The following NR3C1 variants were observed in gnomAD, a reference collection of about 807,000 sequenced individuals.
NR3C1 encodes glucocorticoid receptor.
Under a neutral mutation model 74.0 loss-of-function variants are expected in NR3C1, and 14 were observed. That is an observed-to-expected ratio of 0.19 (90% CI 0.12 to 0.30). The LOEUF (loss-of-function observed/expected upper bound fraction) is 0.30. NR3C1 is among the 10% of genes least tolerant of loss of function. The pLI, the probability that NR3C1 is intolerant of heterozygous loss-of-function variation, is 1.00. For synonymous variants in NR3C1, 308 were observed against 332.5 expected (o/e 0.93, Z 0.80); for missense variants, 695 against 909.8 (o/e 0.76, Z 3.04).
intron 1 of NR3C1, among the ~76,000 whole-genome samples, chr5:143,413,079 G>T (rs1295504834): frequency 6.6e-6 from 1 of 152,182 alleles, no homozygotes; most frequent in Non-Finnish European, 1.5e-5. Context: ...GTATAAGGCT[G>T]CAGGGATATC....
intron 1 of NR3C1, among the ~76,000 whole-genome samples, chr5:143,425,838 T>G (rs1225575188): frequency 6.6e-6 from 1 of 152,138 alleles, no homozygotes; most frequent in Non-Finnish European, 1.5e-5. Context: ...AAGGTAAACA[T>G]AGAGTTACTA....
intron 2 of NR3C1, among the ~76,000 whole-genome samples, chr5:143,351,094 A>G (rs1191592438): frequency 3.9e-5 from 6 of 152,200 alleles, no homozygotes; most frequent in Non-Finnish European, 8.8e-5. Context: ...TGCTTTTACT[A>G]CTTCTTGCCA....
chr5:143,333,964 G>C (rs763166631), intron 2 of NR3C1, among the ~76,000 whole-genome samples: 1 of 152,130 alleles, frequency 6.6e-6, no homozygotes, highest in Non-Finnish European at 1.5e-5. Context: ...GACAAACTGC[G>C]GTAAATTTTT....
intron 7 of NR3C1, among the ~76,000 whole-genome samples, chr5:143,284,165 C>T (rs766807826): frequency 9.9e-5 from 15 of 152,126 alleles, no homozygotes; most frequent in Admixed American, 2.6e-4. Context: ...CTGCCACTTC[C>T]GCCTCCCAGG....
chr5:143,404,283 C>T, upstream of NR3C1: 1 of 985,574 alleles, frequency 1.0e-6, no homozygotes, highest in Non-Finnish European at 1.2e-6. Flanking sequence ...GGTGCCGCAG[C>T]GTCTCGGCCG....
At chr5:143,295,653 TTTTTG>T in intron 6 of NR3C1, 63 bp from the exon 7 acceptor site, 2 of 1,445,800 alleles carry the variant, frequency 1.4e-6, no homozygotes, top group Non-Finnish European at 1.9e-6. Flanking sequence ...AAAAAGCACA[TTTTTG>T]TTTTGTTTTG....
At chr5:143,313,180 T>C (rs1821339954) in intron 3 of NR3C1, among the ~76,000 whole-genome samples, 1 of 152,328 alleles carries the variant, frequency 6.6e-6, no homozygotes, top group African/African-American at 2.4e-5. Flanking sequence ...CTAAATTATA[T>C]GACAATTTTT....
In NR3C1 at chr5:143,356,688, C is replaced by CAA. The variant is rs34911720; in HGVS notation, c.1185-42522_1185-42521dup. ...TCTGTTTCTCACAATTTGTATTTCTCAAAAAAAAAAACACACGCAAATGTT... is the reference window on the plus strand; with the variant it reads ...TCTGTTTCTCACAATTTGTATTTCTCAAAAAAAAAAAAACACACGCAAATGTT... On this transcript the variant is annotated intron_variant, in intron 2 of 8. Coordinates refer to ENST00000394464, the MANE Select transcript of NR3C1 (RefSeq NM_000176.3). 5.9e-3 allele frequency among the ~76,000 whole-genome samples: 860 copies of CAA among 146,766 alleles called. 1 individual carries two copies. The highest frequency in any genetic ancestry group is 0.012 in the Admixed American group (179 of 14,834).
intron 6 of NR3C1, among the ~76,000 whole-genome samples, chr5:143,296,276 A>AT (rs199808389): frequency 0.17 from 24,228 of 146,362 alleles, 2,298 homozygotes; most frequent in Middle Eastern, 0.26. Flanking sequence ...ATGCTTCAAG[A>AT]TTTTTTTTTT....
chr5:143,408,398 T>C (rs886656917), upstream of NR3C1, among the ~76,000 whole-genome samples: 3 of 152,240 alleles, frequency 2.0e-5, no homozygotes, highest in African/African-American at 7.2e-5. Flanking sequence ...TTGCTCATCA[T>C]TAGCAATTAT....
chr5:143,377,285 A>C (rs1432253973), intron 2 of NR3C1, among the ~76,000 whole-genome samples: 2 of 152,146 alleles, frequency 1.3e-5, no homozygotes, highest in East Asian at 1.9e-4. Context: ...CCCCCACACA[A>C]AAAAAGGCCA....
In NR3C1 at chr5:143,393,657, T is replaced by C. The variant is rs977404795; in HGVS notation, c.1184+5999A>G. Among the ~76,000 whole-genome samples, 6 of 152,150 alleles carry C rather than the reference T, an allele frequency of 3.9e-5. 1 individual carries two copies. The South Asian group carries it at 6.2e-4, about 16-fold the overall frequency. ...AACGATAACATAAAGTAAAACAGTG[T>C]CCATAACAAACTGGTAGAGCTTTAG... On this transcript the variant is annotated intron_variant, in intron 2 of 8. Coordinates refer to ENST00000394464, the MANE Select transcript of NR3C1 (RefSeq NM_000176.3).
Position 143,300,527 on chromosome 5 carries a change from G to A in NR3C1, c.1705C>T (p.Arg569Trp). ...CATTTCACTGCTGCAATCACTTGCC[G>A]CCCTCCTAACATGTTGAGCGTAGTC... is the stretch of plus-strand genomic sequence containing the variant. ...IMTTLNMLGG[R>W]QVIAAVKWAK... is the part of the protein sequence containing the mutation. Residue 569 changes from arginine to tryptophan, a missense_variant, in exon 5 of 9, where the codon CGG becomes TGG. This residue lies in a region of NR3C1 where 133 missense variants were observed against 287.9 expected (regional missense o/e 0.46). Transcript: ENST00000394464. This position sits in a 1 kb window ranked among gnomAD's most constrained non-coding sequence, Gnocchi z 5.2. 6.2e-7 allele frequency: 1 copy of A among 1,614,134 alleles called. No homozygotes were observed. Among genetic ancestry groups the A allele is most frequent in the African/African-American group, 1.3e-5 (1 of 75,032 alleles).
upstream of NR3C1, among the ~76,000 whole-genome samples, chr5:143,405,765 C>T (rs951456429): frequency 6.6e-6 from 1 of 152,174 alleles, no homozygotes; most frequent in Non-Finnish European, 1.5e-5. Context: ...GTTAACAAAA[C>T]CCCCTTCTGG....
At chr5:143,310,246 A>G in intron 3 of NR3C1, 33 bp from the exon 4 acceptor site, 4 of 1,428,490 alleles carry the variant, frequency 2.8e-6, no homozygotes, top group Non-Finnish European at 3.9e-6. Flanking sequence ...TTAAAGTTTC[A>G]CAGGTCTTCA....
At position 143,402,573 on chromosome 5, in the gene NR3C1, G is replaced by A. The variant is rs536175130; in HGVS notation, c.-14+638C>T. 42 of 983,774 alleles carry A rather than the reference G, an allele frequency of 4.3e-5. No individual in the cohort carries two copies. The African/African-American group carries it at 6.5e-4, about 15-fold the overall frequency. The allele number at this position is 983,774 out of a possible 1,614,324, so 60.9% of individuals were successfully genotyped here. A position where few individuals can be genotyped will look rare whatever the true frequency, so the allele number is the denominator to read the frequency against. ...GCGGGGGTGGAGAAGAGAAAAAAGT[G>A]CGAGGTTAAAAGAGAAGTACGTCCA... is the stretch of plus-strand genomic sequence containing the variant. On this transcript the variant is annotated intron_variant, in intron 1 of 8. Coordinates refer to ENST00000394464, the MANE Select transcript of NR3C1 (RefSeq NM_000176.3).
chr5:143,359,811 G>A (rs538077969), intron 2 of NR3C1, among the ~76,000 whole-genome samples: 2 of 152,184 alleles, frequency 1.3e-5, no homozygotes, highest in East Asian at 1.9e-4. Context: ...CCAGCTACTC[G>A]GCAGGCTGAG....
At chr5:143,294,720 A>ATAGT (rs1236875428) in intron 7 of NR3C1, among the ~76,000 whole-genome samples, 1 of 152,030 alleles carries the variant, frequency 6.6e-6, no homozygotes, top group African/African-American at 2.4e-5. Flanking sequence ...GGAATGTTAT[A>ATAGT]TAGTTAGAAT....
chr5:143,333,316 T>C, intron 2 of NR3C1: 1 of 701,228 alleles, frequency 1.4e-6, no homozygotes. Context: ...TACAAGTTCT[T>C]TTTGCATTTA....
Sources: gnomAD v4.1 joint callset for allele counts (sites outside exome capture counted in the v4.1 genomes callset) on GRCh38, gnomAD v4.1.1 for gene constraint, gnomAD v4.1.1 regional missense constraint, Gnocchi (gnomAD v3.1) non-coding constraint, MANE v1.5 for transcripts, NCBI Gene and HGNC (gene_info 2026-07-23, HGNC 2026-07-21) for gene names.